Variants in FNDC3B observed in about 807,000 individuals in gnomAD.
FNDC3B encodes fibronectin type III domain containing 3B.
In FNDC3B, 12 loss-of-function variants were observed where a neutral mutation model predicts 151.5. That is an observed-to-expected ratio of 0.08 (90% confidence interval 0.05 to 0.13). The LOEUF is 0.13. FNDC3B is among the 10% of genes least tolerant of loss of function. The probability of loss-of-function intolerance (pLI) is 1.00; values close to 1 mark genes in which losing one functional copy is unlikely to be tolerated. For missense variants in FNDC3B, 1,214 were observed against 1,505.3 expected, an observed-to-expected ratio of 0.81 and a Z score of 3.20; for synonymous variants, 528 against 549.0, an observed-to-expected ratio of 0.96 and a Z score of 0.54.
chr3:172,305,214 G>A (rs1731134584), intron 9 of FNDC3B, among the ~76,000 whole-genome samples: 1 of 152,090 alleles, frequency 6.6e-6, no homozygotes, highest in Admixed American at 6.5e-5. Flanking sequence ...ACACACACCT[G>A]AAATGTCTTC....
chr3:172,250,502 C>G (rs1285166999), intron 5 of FNDC3B, among the ~76,000 whole-genome samples: 1 of 152,182 alleles, frequency 6.6e-6, no homozygotes, highest in African/African-American at 2.4e-5. Context: ...AGTAGAAATA[C>G]TATTCTGTCT....
At chr3:172,273,457 ACTT>A (rs1459692111) in intron 6 of FNDC3B, among the ~76,000 whole-genome samples, 2 of 152,106 alleles carry the variant, frequency 1.3e-5, no homozygotes, top group Non-Finnish European at 2.9e-5. Flanking sequence ...ACCCATGACT[ACTT>A]CTCTGTTCAT....
chr3:172,226,257 A>G (rs1433672871), intron 3 of FNDC3B, among the ~76,000 whole-genome samples: 1 of 150,150 alleles, frequency 6.7e-6, no homozygotes, highest in East Asian at 2.0e-4. Context: ...GTGAGCCGAG[A>G]TCGCGCCATT....
At chr3:172,178,835 T>C (rs184817346) in intron 3 of FNDC3B, among the ~76,000 whole-genome samples, 343 of 152,266 alleles carry the variant, frequency 2.3e-3, no homozygotes, top group African/African-American at 7.5e-3. Context: ...TTCTGAGAGC[T>C]TCAGGGTCTT....
chr3:172,332,344 TGTAGAAAGCCCTCACCA>T (rs1346277014), intron 13 of FNDC3B, among the ~76,000 whole-genome samples: 1 of 152,230 alleles, frequency 6.6e-6, no homozygotes, highest in African/African-American at 2.4e-5. Flanking sequence ...CTCCAGCAGC[TGTAGAAAGCCCTCACCA>T]GTTCCACCAC....
chr3:172,112,049 C>T (rs1219045836), intron 1 of FNDC3B, among the ~76,000 whole-genome samples: 2 of 152,118 alleles, frequency 1.3e-5, no homozygotes, highest in Non-Finnish European at 2.9e-5. Context: ...TATTGTATTG[C>T]AAAGCTAAAT....
intron 3 of FNDC3B, among the ~76,000 whole-genome samples, chr3:172,175,750 A>G (rs1723549726): frequency 6.6e-6 from 1 of 152,216 alleles, no homozygotes; most frequent in African/African-American, 2.4e-5. Context: ...TTACCATAGT[A>G]AGTGAGAACC....
chr3:172,273,692 CTTTA>C (rs1321026249), intron 6 of FNDC3B, among the ~76,000 whole-genome samples: 3 of 152,196 alleles, frequency 2.0e-5, no homozygotes, highest in Admixed American at 6.5e-5. Context: ...GTGGTTGTTA[CTTTA>C]TTTAACAATG....
At position 172,204,850 on chromosome 3, in the gene FNDC3B, A is replaced by G. The variant is rs150202835; in HGVS notation, c.188-22021A>G. On this transcript the variant is annotated intron_variant, in intron 3 of 25. Coordinates refer to ENST00000415807, the MANE Select transcript of FNDC3B (RefSeq NM_022763.4). ...TGTTAAATTTCAGAAACCTTGGTTG[A>G]GTGGGTGGAAAAACAACATTGCTGA... is the stretch of plus-strand genomic sequence containing the variant. Among the ~76,000 whole-genome samples the G allele has an allele frequency of 4.0e-3, 614 of 152,306 alleles. 2 individuals carry two copies. Among genetic ancestry groups the G allele is most frequent in the African/African-American group, 0.014 (581 of 41,576 alleles).
At chr3:172,389,021 G>T (rs1735871621) in intron 25 of FNDC3B, among the ~76,000 whole-genome samples, 2 of 152,170 alleles carry the variant, frequency 1.3e-5, no homozygotes, top group South Asian at 4.1e-4. Flanking sequence ...TCCGCAGAAG[G>T]ATGTTACCTT....
intron 1 of FNDC3B, among the ~76,000 whole-genome samples, chr3:172,050,390 T>C (rs1454287806): frequency 1.2e-5 from 1 of 86,080 alleles, no homozygotes; most frequent in Non-Finnish European, 2.3e-5. Context: ...GTATATTTTC[T>C]TTTTTTTTTT....
intron 1 of FNDC3B, among the ~76,000 whole-genome samples, chr3:172,065,620 T>C (rs1300671458): frequency 6.6e-6 from 1 of 152,230 alleles, no homozygotes; most frequent in African/African-American, 2.4e-5. Flanking sequence ...TTGAATAGGA[T>C]ATGAGGTGCT....
intron 3 of FNDC3B, among the ~76,000 whole-genome samples, chr3:172,210,586 C>T (rs1489169556): frequency 2.0e-5 from 3 of 152,096 alleles, no homozygotes; most frequent in Non-Finnish European, 4.4e-5. Context: ...AAACTCCTGA[C>T]ATCAAGTAAT....
chr3:172,288,585 C>T (rs746675055), intron 7 of FNDC3B, among the ~76,000 whole-genome samples: 9 of 152,176 alleles, frequency 5.9e-5, no homozygotes, highest in Non-Finnish European at 7.3e-5. Context: ...CATTATCTTT[C>T]TAGGTTTGGA....
chr3:172,124,906 G>T (rs535606722), intron 2 of FNDC3B, among the ~76,000 whole-genome samples: 3 of 152,176 alleles, frequency 2.0e-5, no homozygotes, highest in Admixed American at 6.5e-5. Flanking sequence ...AATTACACAC[G>T]CTGTAAGGCG....
chr3:172,358,482 A>G (rs1734203818), intron 22 of FNDC3B, among the ~76,000 whole-genome samples: 1 of 152,258 alleles, frequency 6.6e-6, no homozygotes, highest in African/African-American at 2.4e-5. Flanking sequence ...ATGGCCTAGA[A>G]AGAAGCCCAT....
chr3:172,210,482 C>G (rs1725681493), intron 3 of FNDC3B, among the ~76,000 whole-genome samples: 1 of 152,126 alleles, frequency 6.6e-6, no homozygotes. Context: ...GCTGGGACTA[C>G]AAGTGTGTGA....
intron 4 of FNDC3B, among the ~76,000 whole-genome samples, chr3:172,233,614 A>G (rs1356132968): frequency 6.6e-6 from 1 of 152,214 alleles, no homozygotes; most frequent in Non-Finnish European, 1.5e-5. Flanking sequence ...CAGCTGAGCT[A>G]TAGACATTAG....
intron 6 of FNDC3B, among the ~76,000 whole-genome samples, chr3:172,262,673 C>A (rs574827006): frequency 8.0e-5 from 12 of 150,772 alleles, no homozygotes; most frequent in Non-Finnish European, 1.6e-4. Flanking sequence ...GAGGCCAAGG[C>A]GAGAGGATTG....
Sources: allele counts gnomAD v4.1 joint callset (sites outside exome capture counted in the v4.1 genomes callset), GRCh38; gene constraint gnomAD v4.1.1; transcripts MANE v1.5; gene names NCBI Gene and HGNC (gene_info 2026-07-23, HGNC 2026-07-21).